Variants in RAB3C observed in about 807,000 individuals in gnomAD.
RAB3C encodes the protein RAB3C, member RAS oncogene family.
Under a neutral mutation model 26.4 loss-of-function variants are expected in RAB3C, and 17 were observed. That is an observed-to-expected ratio of 0.64 (90% CI 0.44 to 0.97). The LOEUF (loss-of-function observed/expected upper bound fraction) is 0.97. RAB3C is among the 50% of genes least tolerant of loss of function. The probability of loss-of-function intolerance (pLI) is 0.00; values close to 1 mark genes in which losing one functional copy is unlikely to be tolerated. For missense variants in RAB3C, 242 were observed against 281.9 expected (o/e 0.86, Z 1.01); for synonymous variants, 91 against 95.9 (o/e 0.95, Z 0.30).
rs149043590 is a variant in RAB3C, at chr5:58,636,566, G to A, written c.252+18696G>A. 2.4e-4 allele frequency among the ~76,000 whole-genome samples: 36 copies of A among 152,116 alleles called. No individual in the cohort carries two copies. The East Asian group carries it at 6.4e-3, about 27-fold the overall frequency. ...TTGACTCCCTATATCCCAGTCCATC[G>A]TTTGGATTTTATATCCACCAAATGC... On this transcript the variant is annotated intron_variant, in intron 2 of 4. Transcript: ENST00000282878.
chr5:58,617,431 G>A (rs551796239), intron 1 of RAB3C: 1 of 747,560 alleles, frequency 1.3e-6, no homozygotes, highest in Non-Finnish European at 2.4e-6. Flanking sequence ...AGCTGGAAAG[G>A]CCTGTAAGAT....
chr5:58,624,980 C>G (rs1336764773), intron 2 of RAB3C, among the ~76,000 whole-genome samples: 1 of 152,106 alleles, frequency 6.6e-6, no homozygotes, highest in Non-Finnish European at 1.5e-5. Context: ...CTAATCCTCA[C>G]AAAAACCCTG....
intron 1 of RAB3C, among the ~76,000 whole-genome samples, chr5:58,610,473 G>A (rs1746675410): frequency 6.6e-6 from 1 of 151,858 alleles, no homozygotes; most frequent in African/African-American, 2.4e-5. Flanking sequence ...TCTCACTGGG[G>A]TCTTAATTTA....
chr5:58,627,471 TAAAAAAAAAAAAAAAAAAAAAAAA>T (rs58104232), intron 2 of RAB3C, among the ~76,000 whole-genome samples: 10 of 68,444 alleles, frequency 1.5e-4, no homozygotes, highest in Non-Finnish European at 2.9e-4. Flanking sequence ...GACTCCGTCT[TAAAAAAAAAAAAAAAAAAAAAAAA>T]AAAAAAAAAA....
At chr5:58,583,584 A>C (rs1482248245) in intron 1 of RAB3C, among the ~76,000 whole-genome samples, 3 of 152,104 alleles carry the variant, frequency 2.0e-5, no homozygotes, top group Admixed American at 2.0e-4. Context: ...TCGCGGTGAA[A>C]ACTCACGGAT....
intron 4 of RAB3C, among the ~76,000 whole-genome samples, chr5:58,826,677 C>G (rs1743489124): frequency 6.6e-6 from 1 of 152,188 alleles, no homozygotes; most frequent in Admixed American, 6.5e-5. Context: ...ATGAGATTCA[C>G]TCTGTTTTCT....
intron 2 of RAB3C, among the ~76,000 whole-genome samples, chr5:58,725,746 T>C (rs1463936793): frequency 6.6e-6 from 1 of 151,942 alleles, no homozygotes; most frequent in Non-Finnish European, 1.5e-5. Context: ...ATCTTAATTA[T>C]ACTGATTTGA....
chr5:58,770,048 A>G (rs1356702426), intron 3 of RAB3C, among the ~76,000 whole-genome samples: 1 of 152,194 alleles, frequency 6.6e-6, no homozygotes, highest in Non-Finnish European at 1.5e-5. Flanking sequence ...TAATTTAATT[A>G]TTCACTTCAA....
At chr5:58,793,545 A>T (rs1742577305) in intron 3 of RAB3C, among the ~76,000 whole-genome samples, 1 of 151,872 alleles carries the variant, frequency 6.6e-6, no homozygotes, top group Non-Finnish European at 1.5e-5. Flanking sequence ...AAAAAAAAAA[A>T]AAAAATTCCT....
intron 2 of RAB3C, among the ~76,000 whole-genome samples, chr5:58,654,187 A>G (rs1329383864): frequency 6.6e-6 from 1 of 152,192 alleles, no homozygotes; most frequent in Non-Finnish European, 1.5e-5. Flanking sequence ...AAGCATTCTT[A>G]GGTCCACTAC....
chr5:58,677,534 G>A (rs1297682754), intron 2 of RAB3C, among the ~76,000 whole-genome samples: 1 of 152,196 alleles, frequency 6.6e-6, no homozygotes, highest in South Asian at 2.1e-4. Context: ...AATAGTTAGT[G>A]CTAATTATAG....
chr5:58,838,044 C>G (rs1009313757), intron 4 of RAB3C, among the ~76,000 whole-genome samples: 1 of 151,876 alleles, frequency 6.6e-6, no homozygotes, highest in Non-Finnish European at 1.5e-5. Context: ...GTTTTTTCTT[C>G]GTCTAGCTAA....
At chr5:58,596,988 A>G (rs1291604989) in intron 1 of RAB3C, among the ~76,000 whole-genome samples, 23 of 91,140 alleles carry the variant, frequency 2.5e-4, no homozygotes, top group African/African-American at 1.0e-3. Flanking sequence ...ATAATAATAT[A>G]TAATGCATAA....
intron 2 of RAB3C, among the ~76,000 whole-genome samples, chr5:58,681,460 G>C (rs968017403): frequency 3.9e-5 from 6 of 152,204 alleles, no homozygotes; most frequent in African/African-American, 1.4e-4. Context: ...GTTCCCATGA[G>C]AGAAATTAAC....
At chr5:58,835,513 G>C (rs372171160) in intron 4 of RAB3C, among the ~76,000 whole-genome samples, 5 of 152,132 alleles carry the variant, frequency 3.3e-5, no homozygotes, top group East Asian at 1.9e-4. Context: ...CATGTCTCCT[G>C]TCCCATCTCG....
At chr5:58,585,662 T>G (rs1745994815) in intron 1 of RAB3C, among the ~76,000 whole-genome samples, 1 of 152,118 alleles carries the variant, frequency 6.6e-6, no homozygotes, top group African/African-American at 2.4e-5. Flanking sequence ...ATGTAAGGTC[T>G]TTTAAAAAGC....
chr5:58,587,543 A>G (rs1746037750), intron 1 of RAB3C, among the ~76,000 whole-genome samples: 1 of 152,116 alleles, frequency 6.6e-6, no homozygotes. Flanking sequence ...GATCTTTAGC[A>G]TTTTTCGTTC....
intron 3 of RAB3C, among the ~76,000 whole-genome samples, chr5:58,745,330 A>G (rs905356459): frequency 1.4e-5 from 2 of 143,102 alleles, no homozygotes; most frequent in South Asian, 2.3e-4. Context: ...CCCGGGAGGC[A>G]GAGCTTGCAT....
chr5:58,807,419 T>A (rs1052941786), intron 3 of RAB3C, among the ~76,000 whole-genome samples: 5 of 152,230 alleles, frequency 3.3e-5, no homozygotes, highest in African/African-American at 1.2e-4. Context: ...TTGCAGCTAC[T>A]ATGCAGTAGG....
Sources: allele counts gnomAD v4.1 joint callset (sites outside exome capture counted in the v4.1 genomes callset), GRCh38; gene constraint gnomAD v4.1.1; transcripts MANE v1.5; gene names NCBI Gene and HGNC (gene_info 2026-07-23, HGNC 2026-07-21).